The following ZNF665 variants were observed in gnomAD, a reference collection of about 807,000 sequenced individuals.
ZNF665 encodes zinc finger protein 665.
ZNF665 carries 6 observed loss-of-function variants against 7.9 expected under a neutral mutation model. The ratio of observed to expected loss-of-function variants is 0.76; its 90% CI spans 0.42 to 1.50. The LOEUF is 1.50. Ranked by LOEUF, ZNF665 falls within the 40% of genes most tolerant of loss-of-function variation. ZNF665 has a pLI of 0.01. For missense variants in ZNF665, 819 were observed against 806.7 expected, an observed-to-expected ratio of 1.02 and a Z score of -0.18; for synonymous variants, 242 against 274.5, an observed-to-expected ratio of 0.88 and a Z score of 1.17.
intron 1 of ZNF665, among the ~76,000 whole-genome samples, chr19:53,185,569 C>T (rs1329103909): frequency 1.3e-5 from 2 of 152,046 alleles, no homozygotes; most frequent in African/African-American, 4.8e-5. Flanking sequence ...TTTTATTATA[C>T]TGAAACAGCT....
chr19:53,168,114 C>T (rs1043754476), intron 3 of ZNF665, among the ~76,000 whole-genome samples: 2 of 137,924 alleles, frequency 1.5e-5, no homozygotes, highest in Non-Finnish European at 3.1e-5. Flanking sequence ...AGTTCTACTT[C>T]AGAACCAGCA....
intron 1 of ZNF665, chr19:53,190,105 T>C (rs968200641): frequency 6.6e-6 from 1 of 152,346 alleles, no homozygotes; most frequent in Non-Finnish European, 1.5e-5. Context: ...TATATAATCA[T>C]ATCTAAGATC....
chr19:53,182,696 C>T, intron 2 of ZNF665, 188 bp downstream of exon 2: 1 of 1,166,230 alleles, frequency 8.6e-7, no homozygotes, highest in Non-Finnish European at 1.3e-6. Flanking sequence ...AGCCTCTTCC[C>T]AAGTTCATGT....
At chr19:53,168,039 C>G (rs1232725108) in intron 3 of ZNF665, among the ~76,000 whole-genome samples, 1 of 106,222 alleles carries the variant, frequency 9.4e-6, no homozygotes, top group Non-Finnish European at 1.7e-5. Flanking sequence ...CTGGGCGACA[C>G]AGCCTGACTC....
chr19:53,183,184 G>C (rs2090751495), intron 1 of ZNF665, among the ~76,000 whole-genome samples: 1 of 152,096 alleles, frequency 6.6e-6, no homozygotes, highest in Admixed American at 6.6e-5. Context: ...TCCCCTCCTG[G>C]AGAAGCCCCC....
rs2090598859 is a variant in ZNF665 at position 53,165,183 on chromosome 19, C to T, written c.1307G>A (p.Gly436Asp). ...GCTTGATCGCACACTAAAGGCTTTGCCACACTCATCACACCTGTAAGGTTT... is the reference window on the plus strand; with the variant it reads ...GCTTGATCGCACACTAAAGGCTTTGTCACACTCATCACACCTGTAAGGTTT... ...GEKPYRCDEC[G>D]KAFSVRSSLT... is the part of the protein sequence containing the mutation. The change falls in exon 4 of 4, where the codon GGC becomes GAC. Residue 436 changes from glycine to aspartate, a missense_variant. Coordinates refer to ENST00000396424, the MANE Select transcript of ZNF665 (RefSeq NM_024733.5). 1.2e-6 allele frequency: 2 copies of T among 1,614,144 alleles called. No individual in the cohort carries two copies. The highest frequency in any genetic ancestry group is 1.7e-6 in the Non-Finnish European group (2 of 1,180,016).
intron 1 of ZNF665, among the ~76,000 whole-genome samples, chr19:53,191,102 C>T (rs2090813614): frequency 6.7e-6 from 1 of 148,814 alleles, no homozygotes; most frequent in Non-Finnish European, 1.5e-5. Flanking sequence ...GGGCTGGTAT[C>T]TGAAGAGGGA....
intron 1 of ZNF665, among the ~76,000 whole-genome samples, chr19:53,185,152 G>A (rs1204882614): frequency 1.3e-5 from 2 of 151,686 alleles, no homozygotes; most frequent in Non-Finnish European, 2.9e-5. Context: ...CTCCACAAGA[G>A]GTGGAGGAGC....
chr19:53,176,274 T>C (rs1215636575), intron 2 of ZNF665, among the ~76,000 whole-genome samples: 1 of 152,182 alleles, frequency 6.6e-6, no homozygotes, highest in Non-Finnish European at 1.5e-5. Context: ...TGAACATCCA[T>C]GGCCAATAAT....
chr19:53,170,743 C>T (rs528606013), intron 3 of ZNF665, among the ~76,000 whole-genome samples: 9 of 152,224 alleles, frequency 5.9e-5, no homozygotes, highest in East Asian at 1.9e-4. Flanking sequence ...AATGCAGATA[C>T]GTCATAGATA....
rs372855271 is a variant in ZNF665 at position 53,171,524 on chromosome 19, A to ATATTTT, written c.142+3920_142+3921insAAAATA. Among the ~76,000 whole-genome samples the ATATTTT allele has an allele frequency of 3.5e-3, 246 of 69,332 alleles. 2 individuals carry two copies. The highest frequency in any genetic ancestry group is 0.011 in the African/African-American group (219 of 19,324). The allele number at this position is 69,332 out of a possible 152,430, so 45.5% of individuals were successfully genotyped here. A position where few individuals can be genotyped will look rare whatever the true frequency, so the allele number is the denominator to read the frequency against. ...TGTGTGTATATATATATATATATATATTTTTTTTTTTTTTTTCTTTTTTTA... is the reference window on the plus strand; with the variant it reads ...TGTGTGTATATATATATATATATATATATTTTTTTTTTTTTTTTTTTTCTTTTTTTA... On this transcript the variant is annotated intron_variant, in intron 3 of 3. Transcript: ENST00000396424.
At chr19:53,167,241 T>A (rs1599871381) in intron 3 of ZNF665, among the ~76,000 whole-genome samples, 1 of 151,890 alleles carries the variant, frequency 6.6e-6, no homozygotes, top group Admixed American at 6.6e-5. Context: ...CCTCAGGTGA[T>A]CCCCCCGCCT....
rs1309978234 is a variant in ZNF665 at position 53,162,674 on chromosome 19, G to A, written c.*1779C>T. 3.9e-5 allele frequency: 6 copies of A among 151,944 alleles called. No individual in the cohort carries two copies. The highest frequency in any genetic ancestry group is 8.8e-5 in the Non-Finnish European group (6 of 68,006). The allele number at this position is 151,944 out of a possible 1,614,324, so 9.4% of individuals were successfully genotyped here. A position where few individuals can be genotyped will look rare whatever the true frequency, so the allele number is the denominator to read the frequency against. On this transcript the variant is annotated 3_prime_UTR_variant, in exon 4 of 4. Transcript: ENST00000396424. Reference sequence around the variant, plus strand: ...TCGAGACCAGCCTGGCAAACATAGTGAAACTCCATCTCTACTAAAAATACA... The same window carrying A: ...TCGAGACCAGCCTGGCAAACATAGTAAAACTCCATCTCTACTAAAAATACA...
At chr19:53,183,882 C>T (rs374582622) in intron 1 of ZNF665, among the ~76,000 whole-genome samples, 8 of 152,016 alleles carry the variant, frequency 5.3e-5, no homozygotes, top group Non-Finnish European at 8.8e-5. Flanking sequence ...AGGCAGGAGA[C>T]GAGGTCAGAG....
At position 53,165,915 on chromosome 19, in the gene ZNF665, C is replaced by T. The variant is rs189296898; in HGVS notation, c.575G>A (p.Arg192Gln). The change falls in exon 4 of 4, where the codon CGG becomes CAG. Residue 192 changes from arginine (R) to glutamine (Q), a missense_variant. Coordinates refer to ENST00000396424, the MANE Select transcript of ZNF665 (RefSeq NM_024733.5). ...ECGKVFSQNS[R>Q]LTSHKRIHTG... ...ATGAATTCTCTTATGACTTGTTAGC[C>T]GTGAGTTTTGACTGAAGACCTTGCC... is the stretch of plus-strand genomic sequence containing the variant. The T allele has an allele frequency of 8.5e-5, 137 of 1,613,784 alleles. No homozygotes were observed. Among genetic ancestry groups the T allele is most frequent in the Middle Eastern group, 1.6e-4 (1 of 6,062 alleles).
chr19:53,166,249 A>G lies in ZNF665; in HGVS notation c.241T>C (p.Cys81Arg), dbSNP rs773596140. 4 of 1,613,982 alleles carry G rather than the reference A, an allele frequency of 2.5e-6. No homozygotes were observed. The East Asian group carries it at 6.7e-5, about 27-fold the overall frequency. The stretch of plus-strand genomic sequence containing the variant: ...TGGAAGGACAAGCCTACAGTGTCAC[A>G]GCTTTCAAGTCTCTCCAACTTCACC... ...YTVKLERLESCDTVGLSFQEV... is the reference protein window; with the variant it reads ...YTVKLERLESRDTVGLSFQEV... Residue 81 changes from cysteine (C) to arginine (R), a missense_variant, in exon 4 of 4, where the codon TGT becomes CGT. Physicochemically the swap from Cys to Arg is radical, Grantham distance 180. Coordinates refer to ENST00000396424, the MANE Select transcript of ZNF665 (RefSeq NM_024733.5).
chr19:53,185,829 A>G (rs1248531779), intron 1 of ZNF665, among the ~76,000 whole-genome samples: 1 of 152,082 alleles, frequency 6.6e-6, no homozygotes, highest in Non-Finnish European at 1.5e-5. Flanking sequence ...AGAAAAGAAA[A>G]AAAAGGAACA....
rs1220119455 is a variant in ZNF665 at position 53,193,300 on chromosome 19, A to C, written c.-46+12T>G. 1 of 152,202 alleles carries C rather than the reference A, an allele frequency of 6.6e-6. No homozygotes were observed. The allele number at this position is 152,202 out of a possible 1,614,324, so 9.4% of individuals were successfully genotyped here. On this transcript the variant is annotated intron_variant, in intron 1 of 3. Transcript: ENST00000396424. ...CGAAACGCAGGTTTAATCTAGATAG[A>C]GGGAAACTCACGCGGCGACTAACAG...
chr19:53,176,528 A>G (rs115234049), intron 2 of ZNF665, among the ~76,000 whole-genome samples: 2,585 of 152,266 alleles, frequency 0.017, 34 homozygotes, highest in African/African-American at 0.034. Flanking sequence ...TCTGTGAGCC[A>G]CTCTAACAAA....
Sources: allele counts gnomAD v4.1 joint callset (sites outside exome capture counted in the v4.1 genomes callset), GRCh38; gene constraint gnomAD v4.1.1; transcripts MANE v1.5; gene names NCBI Gene and HGNC (gene_info 2026-07-23, HGNC 2026-07-21).